The following MND1 variants were observed in gnomAD, a reference collection of about 807,000 sequenced individuals.
MND1 encodes meiotic nuclear divisions 1, also known as meiotic nuclear division protein 1 homolog.
Under a neutral mutation model 35.1 loss-of-function variants are expected in MND1, and 28 were observed. The ratio of observed to expected loss-of-function variants is 0.80; its 90% CI spans 0.59 to 1.09. MND1 has a LOEUF of 1.09. Ranked by LOEUF, MND1 falls within the 50% of genes least tolerant of loss-of-function variation. The pLI is 0.00. For missense variants in MND1, 213 were observed against 239.6 expected, an observed-to-expected ratio of 0.89 and a Z score of 0.73; for synonymous variants, 69 against 70.5, an observed-to-expected ratio of 0.98 and a Z score of 0.11.
chr4:153,404,262 A>C (rs1261686408), intron 6 of MND1, among the ~76,000 whole-genome samples: 1 of 140,686 alleles, frequency 7.1e-6, no homozygotes, highest in Non-Finnish European at 1.5e-5. Flanking sequence ...GCTCACTGCA[A>C]CCTCCGCCTC....
chr4:153,406,436 C>T (rs142285104), intron 6 of MND1, among the ~76,000 whole-genome samples: 8,006 of 151,960 alleles, frequency 0.053, 221 homozygotes, highest in Non-Finnish European at 0.06. Context: ...GCAGGAGAAT[C>T]GCTTGAACCA....
At chr4:153,387,395 G>A (rs1728899326) in intron 4 of MND1, among the ~76,000 whole-genome samples, 1 of 151,936 alleles carries the variant, frequency 6.6e-6, no homozygotes, top group Non-Finnish European at 1.5e-5. Flanking sequence ...TCTTTACAGT[G>A]TTTATTGTTT....
chr4:153,397,172 T>C (rs1205628128), intron 5 of MND1, 47 bp from the exon 6 acceptor site: 5 of 1,320,978 alleles, frequency 3.8e-6, no homozygotes, highest in Middle Eastern at 1.9e-4. Context: ...TTACAACATA[T>C]AGAATTTTGT....
chr4:153,401,333 A>C (rs568375066), intron 6 of MND1, among the ~76,000 whole-genome samples: 3 of 152,316 alleles, frequency 2.0e-5, no homozygotes, highest in Admixed American at 1.3e-4. Flanking sequence ...TACAGTCCCA[A>C]ATGGAGTATG....
intron 6 of MND1, among the ~76,000 whole-genome samples, chr4:153,398,097 C>A (rs1561076798): frequency 6.6e-6 from 1 of 152,030 alleles, no homozygotes. Flanking sequence ...TTTAAATATA[C>A]CAGTCATTTT....
intron 4 of MND1, among the ~76,000 whole-genome samples, chr4:153,362,493 C>T (rs1561059497): frequency 6.6e-6 from 1 of 152,114 alleles, no homozygotes; most frequent in Non-Finnish European, 1.5e-5. Context: ...CTGAGGCCTC[C>T]CCAGAAGCAG....
chr4:153,362,237 A>T (rs1353759476), intron 4 of MND1, among the ~76,000 whole-genome samples: 1 of 151,878 alleles, frequency 6.6e-6, no homozygotes, highest in Non-Finnish European at 1.5e-5. Context: ...TATGGCTTGG[A>T]TCTGTGTCCA....
chr4:153,376,754 T>A (rs191914118), intron 4 of MND1, among the ~76,000 whole-genome samples: 1 of 152,296 alleles, frequency 6.6e-6, no homozygotes, highest in African/African-American at 2.4e-5. Context: ...CTGACTTACA[T>A]ATTCCTTTTC....
intron 4 of MND1, among the ~76,000 whole-genome samples, chr4:153,391,591 G>T (rs936266529): frequency 6.6e-6 from 1 of 151,760 alleles, no homozygotes; most frequent in Non-Finnish European, 1.5e-5. Flanking sequence ...GTCGGATGTG[G>T]TGGTGGGTGC....
intron 6 of MND1, 88 bp downstream of exon 6, chr4:153,397,421 T>C (rs1276514416): frequency 1.1e-6 from 1 of 874,326 alleles, no homozygotes; most frequent in South Asian, 1.8e-5. Context: ...ATTCTCCATG[T>C]ATATGAGAAA....
At chr4:153,382,808 A>G (rs1728745009) in intron 4 of MND1, among the ~76,000 whole-genome samples, 1 of 152,224 alleles carries the variant, frequency 6.6e-6, no homozygotes, top group South Asian at 2.1e-4. Context: ...ATAGTAATTA[A>G]ACAATATTTT....
At chr4:153,367,156 A>G (rs1379692955) in intron 4 of MND1, among the ~76,000 whole-genome samples, 1 of 152,192 alleles carries the variant, frequency 6.6e-6, no homozygotes, top group African/African-American at 2.4e-5. Flanking sequence ...TAGTTTATAT[A>G]CCATATAATT....
chr4:153,355,571 A>T (rs867949275), intron 2 of MND1, 83 bp from the exon 3 acceptor site: 2 of 786,974 alleles, frequency 2.5e-6, no homozygotes, highest in African/African-American at 1.8e-5. Context: ...TTATGTACCC[A>T]TAATAAAAAT....
chr4:153,401,616 G>A (rs532140129), intron 6 of MND1, among the ~76,000 whole-genome samples: 3 of 151,900 alleles, frequency 2.0e-5, no homozygotes, highest in South Asian at 4.1e-4. Flanking sequence ...TCATGTTAAC[G>A]CAGAACAGAT....
chr4:153,394,568 T>C (rs1016079057), intron 5 of MND1, among the ~76,000 whole-genome samples: 2 of 152,166 alleles, frequency 1.3e-5, no homozygotes, highest in Non-Finnish European at 2.9e-5. Context: ...CTGCCTGGAT[T>C]TGAAAGTCTC....
At chr4:153,408,916 A>ATATATATATATAAATACATTTCATTT in intron 6 of MND1, 55 bp from the exon 7 acceptor site, 4 of 416,004 alleles carry the variant, frequency 9.6e-6, no homozygotes, top group Non-Finnish European at 1.1e-5. Flanking sequence ...TTGTGTGTAT[A>ATATATATATATAAATACATTTCATTT]TATATATATA....
At chr4:153,364,593 C>T (rs922418883) in intron 4 of MND1, among the ~76,000 whole-genome samples, 1 of 152,044 alleles carries the variant, frequency 6.6e-6, no homozygotes, top group East Asian at 1.9e-4. Context: ...TTTGTACACC[C>T]ACATTCATAG....
At chr4:153,349,109 T>G (rs1773147197) in intron 1 of MND1, among the ~76,000 whole-genome samples, 1 of 145,688 alleles carries the variant, frequency 6.9e-6, no homozygotes, top group Non-Finnish European at 1.5e-5. Context: ...TTTTTTTTTT[T>G]TCTGTAAACC....
At chr4:153,395,399 G>A (rs1220345311) in intron 5 of MND1, among the ~76,000 whole-genome samples, 5 of 152,126 alleles carry the variant, frequency 3.3e-5, no homozygotes, top group Admixed American at 6.5e-5. Flanking sequence ...TGCATCTTGC[G>A]GGGAAAAACC....
Sources: gnomAD v4.1 joint callset for allele counts (sites outside exome capture counted in the v4.1 genomes callset) on GRCh38, gnomAD v4.1.1 for gene constraint, MANE v1.5 for transcripts, NCBI Gene and HGNC (gene_info 2026-07-23, HGNC 2026-07-21) for gene names.